Variants in NME7 observed in about 807,000 individuals in gnomAD.
NME7 encodes nucleoside diphosphate kinase 7.
A neutral mutation model predicts 49.1 loss-of-function variants in NME7; 41 were observed. The observed-to-expected ratio is 0.83, with a 90% CI of 0.65 to 1.08. The LOEUF is 1.08. Among genes scored for constraint, NME7 ranks in the 50% least tolerant of loss-of-function variants. The pLI is 0.00. For synonymous variants in NME7, 139 were observed against 150.6 expected, an observed-to-expected ratio of 0.92 and a Z score of 0.56; for missense variants, 423 against 463.4, an observed-to-expected ratio of 0.91 and a Z score of 0.80.
At chr1:169,196,271 C>T (rs928233973) in intron 10 of NME7, among the ~76,000 whole-genome samples, 7 of 152,138 alleles carry the variant, frequency 4.6e-5, no homozygotes, top group African/African-American at 9.7e-5. Context: ...TTGTTTAAAG[C>T]GCAACCATTT....
chr1:169,221,776 G>A (rs573871532), intron 10 of NME7, among the ~76,000 whole-genome samples: 20 of 152,034 alleles, frequency 1.3e-4, no homozygotes, highest in Middle Eastern at 3.4e-3. Flanking sequence ...TCAGGCTGGA[G>A]TGCAGTGGTG....
chr1:169,242,007 T>C (rs890393114), intron 7 of NME7, among the ~76,000 whole-genome samples: 12 of 152,036 alleles, frequency 7.9e-5, no homozygotes, highest in Non-Finnish European at 1.6e-4. Context: ...TAGCCTGGTC[T>C]TGAACTCCTA....
At chr1:169,184,863 A>G in intron 10 of NME7, among the ~76,000 whole-genome samples, 1 of 152,196 alleles carries the variant, frequency 6.6e-6, no homozygotes, top group Non-Finnish European at 1.5e-5. Context: ...GCTCATTTTC[A>G]TGGTGTAAAT....
At chr1:169,163,612 G>C (rs1659310841) in intron 11 of NME7, among the ~76,000 whole-genome samples, 1 of 152,074 alleles carries the variant, frequency 6.6e-6, no homozygotes, top group Non-Finnish European at 1.5e-5. Context: ...CTAAGGATTA[G>C]ATGGTAGTAA....
intron 10 of NME7, among the ~76,000 whole-genome samples, chr1:169,217,515 T>C (rs1270872286): frequency 6.6e-6 from 1 of 152,246 alleles, no homozygotes; most frequent in Non-Finnish European, 1.5e-5. Flanking sequence ...TTGATGTGGC[T>C]ACTAGAAAAT....
chr1:169,179,618 T>C (rs1481087570), intron 10 of NME7, among the ~76,000 whole-genome samples: 5 of 152,194 alleles, frequency 3.3e-5, no homozygotes, highest in African/African-American at 1.2e-4. Flanking sequence ...TGGAATACTA[T>C]GCAGCCATAA....
intron 10 of NME7, among the ~76,000 whole-genome samples, chr1:169,223,432 T>G (rs1258827737): frequency 1.3e-5 from 2 of 152,178 alleles, no homozygotes; most frequent in East Asian, 3.9e-4. Context: ...AAATTTTGAT[T>G]AATTAATTAC....
chr1:169,324,719 G>A (rs2101939336), intron 1 of NME7, among the ~76,000 whole-genome samples: 1 of 152,244 alleles, frequency 6.6e-6, no homozygotes, highest in Non-Finnish European at 1.5e-5. Flanking sequence ...TCTCAAAGAT[G>A]ACTTATGGAT....
At chr1:169,317,523 GT>G (rs1263493349) in intron 3 of NME7, among the ~76,000 whole-genome samples, 1 of 152,174 alleles carries the variant, frequency 6.6e-6, no homozygotes, top group African/African-American at 2.4e-5. Context: ...TTGGGGGTGA[GT>G]TTTTAGCAAG....
chr1:169,285,728 C>G (rs1650253785), intron 7 of NME7: 1 of 152,140 alleles, frequency 6.6e-6, no homozygotes, highest in Non-Finnish European at 1.5e-5. Context: ...AGTCTGCCAC[C>G]TGGCACATAA....
intron 7 of NME7, among the ~76,000 whole-genome samples, chr1:169,248,014 G>C (rs996975829): frequency 3.9e-5 from 6 of 152,102 alleles, no homozygotes; most frequent in Non-Finnish European, 7.4e-5. Flanking sequence ...TGGGATTGCT[G>C]AATCAAATGA....
chr1:169,238,825 A>T (rs914900370), intron 7 of NME7, among the ~76,000 whole-genome samples: 5 of 152,064 alleles, frequency 3.3e-5, no homozygotes, highest in African/African-American at 4.8e-5. Flanking sequence ...CAGAGTCTGT[A>T]CTATATTCAC....
chr1:169,279,100 G>T (rs1649884131), intron 7 of NME7, among the ~76,000 whole-genome samples: 1 of 152,188 alleles, frequency 6.6e-6, no homozygotes. Context: ...CCCTCCTGTG[G>T]GGGTGCCTCC....
intron 6 of NME7, among the ~76,000 whole-genome samples, chr1:169,291,565 T>C (rs915561740): frequency 1.1e-4 from 16 of 151,984 alleles, no homozygotes; most frequent in Middle Eastern, 3.4e-3. Flanking sequence ...GATGGGGTGA[T>C]GGGTGCAGCA....
At position 169,254,956 on chromosome 1, in the gene NME7, C is replaced by T. The variant is rs1384677561; in HGVS notation, c.755-17269G>A. Among the ~76,000 whole-genome samples, 2 of 133,232 alleles carry T rather than the reference C, an allele frequency of 1.5e-5. 1 individual carries two copies. The highest frequency in any genetic ancestry group is 3.4e-5 in the Non-Finnish European group (2 of 58,150). The allele number at this position is 133,232 out of a possible 152,430, so 87.4% of individuals were successfully genotyped here. A position where few individuals can be genotyped will look rare whatever the true frequency, so the allele number is the denominator to read the frequency against. ...GTTTGTTATAATTTCTGTTCTTTTA[C>T]ATTTGCTGAGGAGAGCTTTACTTCC... is the stretch of plus-strand genomic sequence containing the variant. On this transcript the variant is annotated intron_variant, in intron 7 of 11. Transcript: ENST00000367811.
intron 10 of NME7, among the ~76,000 whole-genome samples, chr1:169,206,804 G>A (rs1660686484): frequency 6.6e-6 from 1 of 152,166 alleles, no homozygotes; most frequent in East Asian, 1.9e-4. Flanking sequence ...TTTAAGATAT[G>A]TACAATTGTA....
intron 7 of NME7, among the ~76,000 whole-genome samples, chr1:169,276,602 C>T (rs7514582): frequency 0.085 from 10,966 of 129,244 alleles, 2,765 homozygotes; most frequent in East Asian, 0.75. Flanking sequence ...GTCTTGCTAG[C>T]GGTCTATCAA....
Position 169,153,424 on chromosome 1 carries a change from A to G in NME7, c.1098+16023T>C, listed in dbSNP as rs563907551. On this transcript the variant is annotated intron_variant, in intron 11 of 11. Coordinates refer to ENST00000367811, the MANE Select transcript of NME7 (RefSeq NM_013330.5). The stretch of plus-strand genomic sequence containing the variant: ...CCTCCACTTCAACCAGAGGAACTCA[A>G]TGTCTCCTAAAACCAGCCTGCCATG... 3.9e-5 allele frequency among the ~76,000 whole-genome samples: 6 copies of G among 152,268 alleles called. No homozygotes were observed. The South Asian group carries it at 1.2e-3, about 32-fold the overall frequency.
At chr1:169,212,599 C>CTTTTT (rs71121740) in intron 10 of NME7, among the ~76,000 whole-genome samples, 2 of 116,436 alleles carry the variant, frequency 1.7e-5, no homozygotes, top group Non-Finnish European at 3.4e-5. Context: ...AACAAATGTC[C>CTTTTT]TTTTTTTTTT....
Sources: allele counts gnomAD v4.1 joint callset (sites outside exome capture counted in the v4.1 genomes callset), GRCh38; gene constraint gnomAD v4.1.1; transcripts MANE v1.5; gene names NCBI Gene and HGNC (gene_info 2026-07-23, HGNC 2026-07-21).